Variants in ISM1 observed in about 807,000 individuals in gnomAD.
ISM1 encodes the protein isthmin 1.
ISM1 carries 25 observed loss-of-function variants against 46.3 expected under a neutral mutation model. The observed-to-expected ratio is 0.54, with a 90% CI of 0.39 to 0.75. ISM1 has a LOEUF of 0.75. Among genes scored for constraint, ISM1 ranks in the 30% least tolerant of loss-of-function variants. ISM1 has a pLI of 0.00. For missense variants in ISM1, 536 were observed against 625.4 expected (o/e 0.86, Z 1.52); for synonymous variants, 255 against 256.7 (o/e 0.99, Z 0.06).
chr20:13,288,400 A>G, intron 3 of ISM1, 140 bp from the exon 4 acceptor site: 1 of 867,392 alleles, frequency 1.2e-6, no homozygotes, highest in Non-Finnish European at 1.7e-6. Context: ...TAAACCTTTT[A>G]GCTCCAGCTG....
At chr20:13,239,727 A>C (rs536784867) in intron 1 of ISM1, 1 of 152,314 alleles carries the variant, frequency 6.6e-6, no homozygotes, top group Non-Finnish European at 1.5e-5. Flanking sequence ...AAATTCTAGA[A>C]TGTTGTTGTA....
At chr20:13,318,502 T>C in the ISM1 span, among the ~76,000 whole-genome samples, 6 of 152,098 alleles carry the variant, frequency 3.9e-5, no homozygotes, top group Non-Finnish European at 7.4e-5. Flanking sequence ...ACTTGAAAAA[T>C]TGTGTCCACA....
intron 3 of ISM1, among the ~76,000 whole-genome samples, chr20:13,287,986 C>T (rs1030538197): frequency 6.6e-6 from 1 of 152,168 alleles, no homozygotes; most frequent in Non-Finnish European, 1.5e-5. Context: ...GAAGGCTTTG[C>T]TCACATGTCT....
chr20:13,288,726 C>CT, intron 4 of ISM1, 43 bp downstream of exon 4: 1 of 1,558,406 alleles, frequency 6.4e-7, no homozygotes, highest in South Asian at 1.2e-5. Flanking sequence ...AAGGGGAAAG[C>CT]TTTTTAATTT....
the ISM1 span, among the ~76,000 whole-genome samples, chr20:13,307,523 G>A: frequency 6.6e-6 from 1 of 152,110 alleles, no homozygotes; most frequent in South Asian, 2.1e-4. Context: ...GAATTTCTTT[G>A]TATGTAAATT....
intron 3 of ISM1, among the ~76,000 whole-genome samples, chr20:13,286,893 T>C (rs1019692339): frequency 1.3e-5 from 2 of 152,238 alleles, no homozygotes. Flanking sequence ...GGCATGCCTT[T>C]AGCTCCACGC....
chr20:13,252,468 T>G (rs2039878500), intron 1 of ISM1, among the ~76,000 whole-genome samples: 1 of 152,148 alleles, frequency 6.6e-6, no homozygotes, highest in Non-Finnish European at 1.5e-5. Flanking sequence ...GGCGCCATCT[T>G]GGCTGGGCAC....
chr20:13,299,505 C>CGTGTGTGCTCCAGA lies in ISM1; in HGVS notation c.*46_*47insGTGTGTGCTCCAGA. ...GGACGCTGCCTCTGGTTCTGGAGCA[C>CGTGTGTGCTCCAGA]ACACGTGCTGCACTGACGTGCCGAC... On this transcript the variant is annotated 3_prime_UTR_variant, in exon 6 of 6. Coordinates refer to ENST00000262487, the MANE Select transcript of ISM1 (RefSeq NM_080826.2). The surrounding 1 kb of genome is among the most constrained non-coding windows in gnomAD (Gnocchi z 5.8). 1.9e-6 allele frequency: 3 copies of CGTGTGTGCTCCAGA among 1,547,382 alleles called. No individual in the cohort carries two copies. Among genetic ancestry groups the CGTGTGTGCTCCAGA allele is most frequent in the Non-Finnish European group, 1.7e-6 (2 of 1,144,796 alleles).
At chr20:13,307,746 A>G in the ISM1 span, among the ~76,000 whole-genome samples, 2 of 152,202 alleles carry the variant, frequency 1.3e-5, no homozygotes, top group African/African-American at 4.8e-5. Context: ...AAATTCTTCC[A>G]TATCGCTGCT....
At chr20:13,293,233 T>C (rs1246322710) in intron 5 of ISM1, among the ~76,000 whole-genome samples, 2 of 152,024 alleles carry the variant, frequency 1.3e-5, no homozygotes, top group South Asian at 2.1e-4. Flanking sequence ...AAAGAATTCT[T>C]CATAAACCTT....
chr20:13,296,974 T>A (rs2040412892), intron 5 of ISM1, among the ~76,000 whole-genome samples: 1 of 151,428 alleles, frequency 6.6e-6, no homozygotes. Context: ...GCTGAGATCA[T>A]GCCACTGCAT....
At chr20:13,254,369 T>C (rs1163028153) in intron 1 of ISM1, among the ~76,000 whole-genome samples, 1 of 152,058 alleles carries the variant, frequency 6.6e-6, no homozygotes. Context: ...AAATAGAAAA[T>C]ATTTGAATTC....
chr20:13,286,555 G>C (rs965659525), intron 3 of ISM1, among the ~76,000 whole-genome samples: 2 of 152,156 alleles, frequency 1.3e-5, no homozygotes, highest in African/African-American at 4.8e-5. Context: ...ATTCTTTTTG[G>C]GGGATTGGGA....
chr20:13,254,006 T>C (rs1410943317), intron 1 of ISM1, among the ~76,000 whole-genome samples: 4 of 145,976 alleles, frequency 2.7e-5, no homozygotes, highest in Non-Finnish European at 6.0e-5. Flanking sequence ...TCACTTGAGG[T>C]CAGGAGTTCA....
At chr20:13,250,584 C>T (rs966338254) in intron 1 of ISM1, among the ~76,000 whole-genome samples, 1 of 152,132 alleles carries the variant, frequency 6.6e-6, no homozygotes, top group African/African-American at 2.4e-5. Context: ...GTGCCTGGAC[C>T]CTTCCCCAGA....
downstream of ISM1, among the ~76,000 whole-genome samples, chr20:13,303,614 T>G (rs1158557944): frequency 6.6e-6 from 1 of 152,146 alleles, no homozygotes; most frequent in African/African-American, 2.4e-5. Context: ...GGCTTAAGAG[T>G]TTGAGGGTTC....
At chr20:13,311,243 T>TAGATGATAGATA in the ISM1 span, among the ~76,000 whole-genome samples, 2,436 of 127,820 alleles carry the variant, frequency 0.019, 24 homozygotes, top group Middle Eastern at 0.035. Context: ...GATAGATAGA[T>TAGATGATAGATA]GATAGATAGA....
chr20:13,296,070 C>G (rs577459422), intron 5 of ISM1, among the ~76,000 whole-genome samples: 3 of 152,318 alleles, frequency 2.0e-5, no homozygotes, highest in African/African-American at 7.2e-5. Flanking sequence ...CTTTGCCTCC[C>G]TTAATGCACC....
At chr20:13,292,497 A>G (rs1462147235) in intron 5 of ISM1, 34 bp downstream of exon 5, 2 of 1,309,448 alleles carry the variant, frequency 1.5e-6, no homozygotes, top group Non-Finnish European at 2.2e-6. Flanking sequence ...CCAAATATTG[A>G]CTTAGTGCCT....
Sources: allele counts gnomAD v4.1 joint callset (sites outside exome capture counted in the v4.1 genomes callset), GRCh38; gene constraint gnomAD v4.1.1; non-coding constraint Gnocchi (gnomAD v3.1); transcripts MANE v1.5; gene names NCBI Gene and HGNC (gene_info 2026-07-23, HGNC 2026-07-21).